The following ANP32A variants were observed in gnomAD, a reference collection of about 807,000 sequenced individuals.
The protein encoded by ANP32A is acidic leucine-rich nuclear phosphoprotein 32 family member A.
In ANP32A, 1 loss-of-function variant was observed where a neutral mutation model predicts 33.9. The observed-to-expected ratio is 0.03, with a 90% CI of 0.01 to 0.14. ANP32A has a LOEUF of 0.14. ANP32A is among the 10% of genes least tolerant of loss of function. The pLI is 1.00. For missense variants in ANP32A, 155 were observed against 306.0 expected (o/e 0.51, Z 3.68); for synonymous variants, 115 against 120.5 (o/e 0.95, Z 0.30).
Position 68,820,891 on chromosome 15 carries a change from A to G in ANP32A, c.-140T>C, listed in dbSNP as rs1273245128. On this transcript the variant is annotated 5_prime_UTR_variant, in exon 1 of 7. Transcript: ENST00000465139. ...CTCGAGCCCCCAGCACCCGCGGCGC[A>G]CACTAACCTGATCGCCGTGGAGGCG... The G allele has an allele frequency of 2.8e-5, 28 of 1,003,554 alleles. 1 individual carries two copies. The highest frequency in any genetic ancestry group is 4.2e-5 in the Non-Finnish European group (28 of 673,024). The allele number at this position is 1,003,554 out of a possible 1,614,324, so 62.2% of individuals were successfully genotyped here. A position where few individuals can be genotyped will look rare whatever the true frequency, so the allele number is the denominator to read the frequency against.
rs1176622208 is a variant in ANP32A at position 68,784,496 on chromosome 15, T to A, written c.427A>T (p.Thr143Ser). ...ENVFKLLPQL[T>S]YLDGYDRDDK... The stretch of plus-strand genomic sequence containing the variant: ...TCCCGGTCATAGCCGTCGAGATATG[T>A]GAGTTGCGGGAGGAGCTTGAACACA... Residue 143 changes from threonine (T) to serine (S), a missense_variant, in exon 4 of 7, where the codon ACA becomes TCA. By Grantham distance (58) the Thr-to-Ser change is moderately conservative. Around this residue, in one of 4 missense-constraint regions of ANP32A, gnomAD observed 85 missense variants for 183.8 expected, o/e 0.46. Coordinates refer to ENST00000465139, the MANE Select transcript of ANP32A (RefSeq NM_006305.4). 5.6e-6 allele frequency: 9 copies of A among 1,613,930 alleles called. No homozygotes were observed. Among genetic ancestry groups the A allele is most frequent in the African/African-American group, 2.7e-5 (2 of 74,872 alleles).
At position 68,780,160 on chromosome 15, in the gene ANP32A, C is replaced by T. The variant is rs367754868; in HGVS notation, c.689-18G>A. On this transcript the variant is annotated intron_variant, in intron 6 of 6. Coordinates refer to ENST00000465139, the MANE Select transcript of ANP32A (RefSeq NM_006305.4). The surrounding 1 kb of genome is among the most constrained non-coding windows in gnomAD (Gnocchi z 4.3). Reference sequence around the variant, plus strand: ...TTCTTCTTCTGGAAAAGTAAGAAAGCGGCATTTAGATTAGTTATTAATCCC... The same window carrying T: ...TTCTTCTTCTGGAAAAGTAAGAAAGTGGCATTTAGATTAGTTATTAATCCC... 192 of 1,613,224 alleles carry T rather than the reference C, an allele frequency of 1.2e-4. No individual in the cohort carries two copies. The Middle Eastern group carries it at 1.5e-3, about 12-fold the overall frequency.
chr15:68,786,712 T>A (rs762866232), intron 3 of ANP32A, among the ~76,000 whole-genome samples: 1 of 152,232 alleles, frequency 6.6e-6, no homozygotes, highest in Non-Finnish European at 1.5e-5. Context: ...CTGGTAATTA[T>A]AGAAAGTGTT....
chr15:68,795,832 G>A (rs957659002), intron 1 of ANP32A, among the ~76,000 whole-genome samples: 4 of 152,028 alleles, frequency 2.6e-5, no homozygotes, highest in Non-Finnish European at 5.9e-5. Context: ...CCACATCAAG[G>A]ACCTGTCAGT....
chr15:68,809,468 A>G (rs1894283805), intron 1 of ANP32A, among the ~76,000 whole-genome samples: 1 of 152,216 alleles, frequency 6.6e-6, no homozygotes, highest in Non-Finnish European at 1.5e-5. Flanking sequence ...GTTTAAATGT[A>G]TCCTTTTTAA....
intron 1 of ANP32A, among the ~76,000 whole-genome samples, chr15:68,802,819 A>ATTTTTTTTTTTTTTTTTT (rs1228755138): frequency 2.0e-5 from 3 of 151,778 alleles, no homozygotes; most frequent in Non-Finnish European, 4.4e-5. Flanking sequence ...TGCCCGGCTA[A>ATTTTTTTTTTTTTTTTTT]TTTTTTATAT....
chr15:68,797,797 G>T (rs984964416), intron 1 of ANP32A, among the ~76,000 whole-genome samples: 1 of 152,158 alleles, frequency 6.6e-6, no homozygotes, highest in Admixed American at 6.5e-5. Flanking sequence ...GCTGCTGAAG[G>T]CCAGTCATTC....
At chr15:68,805,755 A>G (rs1178260726) in intron 1 of ANP32A, among the ~76,000 whole-genome samples, 1 of 152,114 alleles carries the variant, frequency 6.6e-6, no homozygotes, top group Non-Finnish European at 1.5e-5. Flanking sequence ...CTCAAATGCC[A>G]CCTCCTCAGA....
chr15:68,786,252 CTTTTTTTTT>C (rs558065991), intron 3 of ANP32A, among the ~76,000 whole-genome samples: 1 of 90,098 alleles, frequency 1.1e-5, no homozygotes, highest in Middle Eastern at 7.0e-3. Context: ...GCTGCTGCTG[CTTTTTTTTT>C]TTTTTTTTTT....
chr15:68,785,756 G>T (rs552512650), intron 3 of ANP32A, among the ~76,000 whole-genome samples: 16 of 152,316 alleles, frequency 1.1e-4, no homozygotes, highest in Admixed American at 5.2e-4. Flanking sequence ...GTGTGAACAT[G>T]AACGTGCCTG....
chr15:68,792,971 CCCT>C (rs530366262), intron 1 of ANP32A, among the ~76,000 whole-genome samples: 6 of 152,116 alleles, frequency 3.9e-5, no homozygotes, highest in Non-Finnish European at 5.9e-5. Context: ...TCTTGGAGCT[CCCT>C]CCTCTTTATC....
intron 5 of ANP32A, chr15:68,782,688 A>G: frequency 2.0e-6 from 1 of 501,974 alleles, no homozygotes; most frequent in Non-Finnish European, 3.5e-6. Flanking sequence ...TCACATAGAA[A>G]CAACGGCCAG....
Position 68,787,415 on chromosome 15 carries a change from G to A in ANP32A, c.325C>T (p.Leu109=). Residue 109 remains leucine, a splice_region_variant and synonymous_variant, in exon 3 of 7, where the codon CTG becomes TTG. Coordinates refer to ENST00000465139, the MANE Select transcript of ANP32A (RefSeq NM_006305.4). ...KIKDLSTIEP[L]KKLENLKSLD... is the part of the protein sequence containing the mutation. ...AGGGGAGGGTCCGAATGACTTACCA[G>A]TGGCTCTATTGTGCTGAGGTCTTTA... The A allele has an allele frequency of 6.2e-7, 1 of 1,614,178 alleles. No homozygotes were observed. The highest frequency in any genetic ancestry group is 8.5e-7 in the Non-Finnish European group (1 of 1,180,016).
At chr15:68,805,162 C>T (rs1228927722) in intron 1 of ANP32A, among the ~76,000 whole-genome samples, 2 of 152,214 alleles carry the variant, frequency 1.3e-5, no homozygotes, top group African/African-American at 2.4e-5. Context: ...AAGCATCTAA[C>T]CCCCTAAACC....
intron 1 of ANP32A, among the ~76,000 whole-genome samples, chr15:68,808,905 C>G (rs1894275761): frequency 6.6e-6 from 1 of 152,224 alleles, no homozygotes; most frequent in East Asian, 1.9e-4. Context: ...CTGCGGGCCT[C>G]TCTCTTTCAA....
Position 68,820,885 on chromosome 15 carries a change from C to T in ANP32A, c.-134G>A. The T allele has an allele frequency of 1.9e-6, 2 of 1,061,528 alleles. No individual in the cohort carries two copies. Among genetic ancestry groups the T allele is most frequent in the Non-Finnish European group, 2.8e-6 (2 of 715,890 alleles). The allele number at this position is 1,061,528 out of a possible 1,614,324, so 65.8% of individuals were successfully genotyped here. On this transcript the variant is annotated 5_prime_UTR_variant, in exon 1 of 7. Transcript: ENST00000465139. The stretch of plus-strand genomic sequence containing the variant: ...TCGGTTCTCGAGCCCCCAGCACCCG[C>T]GGCGCACACTAACCTGATCGCCGTG...
In ANP32A at chr15:68,778,778, T is replaced by C. The variant is rs1055886327; in HGVS notation, c.*1303A>G. ...TCCAAACATAGTATCACATTATATATATCTCATAAGAAAAGCTATTCTATC... is the reference window on the plus strand; with the variant it reads ...TCCAAACATAGTATCACATTATATACATCTCATAAGAAAAGCTATTCTATC... On this transcript the variant is annotated 3_prime_UTR_variant, in exon 7 of 7. Coordinates refer to ENST00000465139, the MANE Select transcript of ANP32A (RefSeq NM_006305.4). 9 of 152,146 alleles carry C rather than the reference T, an allele frequency of 5.9e-5. No homozygotes were observed. The highest frequency in any genetic ancestry group is 1.3e-4 in the Admixed American group (2 of 15,272). 9.4% of individuals were successfully genotyped at this position (152,146 alleles called of 1,614,324 possible).
In ANP32A at chr15:68,778,989, A is replaced by T. The variant is rs1240045195; in HGVS notation, c.*1092T>A. The T allele has an allele frequency of 6.6e-6, 1 of 152,192 alleles. No homozygotes were observed. Among genetic ancestry groups the T allele is most frequent in the Non-Finnish European group, 1.5e-5 (1 of 68,022 alleles). The allele number at this position is 152,192 out of a possible 1,614,324, so 9.4% of individuals were successfully genotyped here. On this transcript the variant is annotated 3_prime_UTR_variant, in exon 7 of 7. Coordinates refer to ENST00000465139, the MANE Select transcript of ANP32A (RefSeq NM_006305.4). Reference sequence around the variant, plus strand: ...TTGGCTCTTCTGAGGGGCAGGAGAAAAACTGGTGCAGATGTTCTTTTATAC... The same window carrying T: ...TTGGCTCTTCTGAGGGGCAGGAGAATAACTGGTGCAGATGTTCTTTTATAC...
intron 4 of ANP32A, 24 bp downstream of exon 4, chr15:68,784,373 C>T (rs1204683475): frequency 3.1e-6 from 5 of 1,611,064 alleles, no homozygotes; most frequent in Non-Finnish European, 3.4e-6. Flanking sequence ...CCCCTGCAGC[C>T]CTGGGCCGCA....
Sources: allele counts gnomAD v4.1 joint callset (sites outside exome capture counted in the v4.1 genomes callset), GRCh38; gene constraint gnomAD v4.1.1; regional missense constraint gnomAD v4.1.1; non-coding constraint Gnocchi (gnomAD v3.1); transcripts MANE v1.5; gene names NCBI Gene and HGNC (gene_info 2026-07-23, HGNC 2026-07-21).